PFKP: variants seen among roughly 807,000 people sequenced by gnomAD.
The protein encoded by PFKP is phosphofructokinase, platelet.
In PFKP, 101 loss-of-function variants were observed where a neutral mutation model predicts 94.3. The observed-to-expected ratio is 1.07, with a 90% confidence interval of 0.91 to 1.26. PFKP has a LOEUF of 1.26. Ranked by LOEUF, PFKP falls within the 50% of genes most tolerant of loss-of-function variation. The pLI, the probability that PFKP is intolerant of heterozygous loss-of-function variation, is 0.00. For missense variants in PFKP, 1,145 were observed against 1,103.3 expected, an observed-to-expected ratio of 1.04 and a Z score of -0.53; for synonymous variants, 573 against 432.6, an observed-to-expected ratio of 1.32 and a Z score of -4.03.
At chr10:3,110,930 GTT>G (rs574263604) in intron 10 of PFKP, among the ~76,000 whole-genome samples, 2 of 151,994 alleles carry the variant, frequency 1.3e-5, no homozygotes, top group Non-Finnish European at 2.9e-5. Flanking sequence ...GTGTGTGCAT[GTT>G]TTTGTGAGGT....
chr10:3,114,944 G>C (rs1489423005), intron 13 of PFKP, among the ~76,000 whole-genome samples: 1 of 152,214 alleles, frequency 6.6e-6, no homozygotes, highest in African/African-American at 2.4e-5. Flanking sequence ...CTCCCAGCCG[G>C]GGCTTTGCAG....
chr10:3,088,249 G>C (rs1394583705), intron 2 of PFKP, among the ~76,000 whole-genome samples: 1 of 148,138 alleles, frequency 6.8e-6, no homozygotes, highest in Non-Finnish European at 1.5e-5. Context: ...TGTGGTGTTT[G>C]GTTTTTTGTC....
intron 16 of PFKP, among the ~76,000 whole-genome samples, chr10:3,127,337 C>CA (rs1483923668): frequency 6.6e-6 from 1 of 152,264 alleles, no homozygotes; most frequent in African/African-American, 2.4e-5. Context: ...GACCAGAACT[C>CA]AGACACGCCT....
At chr10:3,135,683 C>G in intron 20 of PFKP, 53 bp from the exon 21 acceptor site, 1 of 1,090,660 alleles carries the variant, frequency 9.2e-7, no homozygotes, top group Non-Finnish European at 1.4e-6. Context: ...TTCTGCTCCC[C>G]CACCTGCCCA....
chr10:3,108,080 A>AT, intron 8 of PFKP: 1 of 1,138,198 alleles, frequency 8.8e-7, no homozygotes, highest in South Asian at 1.3e-5. Flanking sequence ...GCCAATATTT[A>AT]TAAGTGGTCA....
chr10:3,128,368 C>A (rs1360961839), intron 16 of PFKP, among the ~76,000 whole-genome samples: 1 of 152,202 alleles, frequency 6.6e-6, no homozygotes, highest in Non-Finnish European at 1.5e-5. Flanking sequence ...ACAGAGGGAA[C>A]TTTGTGGTCC....
Position 3,113,396 on chromosome 10 carries a change from A to G in PFKP, c.1249A>G (p.Asn417Asp), listed in dbSNP as rs1836456440. The G allele has an allele frequency of 6.3e-7, 1 of 1,595,630 alleles. No homozygotes were observed. The highest frequency in any genetic ancestry group is 8.6e-7 in the Non-Finnish European group (1 of 1,168,474). Residue 417 changes from asparagine (N) to aspartate (D), a missense_variant, in exon 13 of 22, where the codon AAC (asparagine) becomes GAC (aspartate). Transcript: ENST00000381125. Reference sequence around the variant, plus strand: ...GACCAATTGCAACGTAGCTGTCATCAACGTGGGGGCACCCGCGGCTGGGAT... The same window carrying G: ...GACCAATTGCAACGTAGCTGTCATCGACGTGGGGGCACCCGCGGCTGGGAT... ...PKTNCNVAVI[N>D]VGAPAAGMNA...
At chr10:3,097,712 AAC>A (rs1834602592) in intron 2 of PFKP, among the ~76,000 whole-genome samples, 2 of 152,206 alleles carry the variant, frequency 1.3e-5, no homozygotes, top group Middle Eastern at 6.8e-3. Flanking sequence ...CTAAATTATA[AAC>A]ACACATGTGG....
intron 1 of PFKP, among the ~76,000 whole-genome samples, chr10:3,067,963 G>A (rs1345461296): frequency 6.6e-6 from 1 of 152,182 alleles, no homozygotes; most frequent in Non-Finnish European, 1.5e-5. Flanking sequence ...CGGGGTCCTT[G>A]CCCGGTGGGG....
intron 5 of PFKP, 85 bp from the exon 6 acceptor site, chr10:3,105,030 G>C: frequency 2.3e-6 from 3 of 1,289,420 alleles, no homozygotes; most frequent in Non-Finnish European, 3.4e-6. Flanking sequence ...TCTGCTTTCT[G>C]AGCTGTTTCC....
intron 13 of PFKP, among the ~76,000 whole-genome samples, chr10:3,115,281 C>T (rs935097825): frequency 1.3e-5 from 2 of 150,636 alleles, no homozygotes; most frequent in Non-Finnish European, 3.0e-5. Flanking sequence ...GTGTGTCCCA[C>T]GGCGGAGGAC....
intron 2 of PFKP, among the ~76,000 whole-genome samples, chr10:3,098,701 C>T (rs980435148): frequency 6.5e-5 from 9 of 137,490 alleles, no homozygotes; most frequent in Non-Finnish European, 1.4e-4. Context: ...GGTAATTGTC[C>T]TTGGGCTTCT....
chr10:3,081,955 G>A (rs1194466503), intron 1 of PFKP, among the ~76,000 whole-genome samples: 1 of 87,762 alleles, frequency 1.1e-5, no homozygotes, highest in Non-Finnish European at 2.2e-5. Flanking sequence ...TGCATGACTT[G>A]TTTTCTGTTG....
At chr10:3,129,230 T>G (rs1286103280) in intron 16 of PFKP, 1 of 152,260 alleles carries the variant, frequency 6.6e-6, no homozygotes. Flanking sequence ...CCGATGCCTG[T>G]GCATCTGGAA....
chr10:3,105,339 CCCTCGTGGGAAGG>C lies in PFKP; in HGVS notation c.666-53_666-41del. ...GTCGCTGAGCGGGGTGCCTGGGCTG[CCCTCGTGGGAAGG>C]ATCCTTCTGGGGTGTTGATGCTGTT... On this transcript the variant is annotated intron_variant, in intron 6 of 21. Coordinates refer to ENST00000381125, the MANE Select transcript of PFKP (RefSeq NM_002627.5). 2.7e-6 allele frequency: 4 copies of C among 1,483,260 alleles called. No individual in the cohort carries two copies. The South Asian group carries it at 4.5e-5, about 17-fold the overall frequency. The allele number at this position is 1,483,260 out of a possible 1,614,324, so 91.9% of individuals were successfully genotyped here. A position where few individuals can be genotyped will look rare whatever the true frequency, so the allele number is the denominator to read the frequency against.
chr10:3,130,128 C>T, intron 17 of PFKP, 145 bp downstream of exon 17: 2 of 724,036 alleles, frequency 2.8e-6, no homozygotes, highest in East Asian at 3.0e-5. Flanking sequence ...ATACACTTCG[C>T]ATCGCCCAGG....
rs565511412 is a variant in PFKP, at chr10:3,099,035, A to G, written c.187-240A>G. Among the ~76,000 whole-genome samples, 3 of 152,252 alleles carry G rather than the reference A, an allele frequency of 2.0e-5. No individual in the cohort carries two copies. In the East Asian group the frequency reaches 5.8e-4, roughly 29 times the overall value. The stretch of plus-strand genomic sequence containing the variant: ...CGCTGGGCCATAGGAGAATGGCTTG[A>G]TTCCTCATTGCACTGTGAGGCTGAG... On this transcript the variant is annotated intron_variant, in intron 2 of 21. Transcript: ENST00000381125.
At position 3,105,118 on chromosome 10, in the gene PFKP, C is replaced by T; in HGVS notation, c.624C>T (p.His208=). ...VDAIMTTAQS[H]QRTFVLEVMG... is the part of the protein sequence containing the mutation. Reference sequence around the variant, plus strand: ...GCTCCCTCTGTTTCTCTTCCAGCCACCAGAGGACCTTCGTTCTGGAGGTGA... The same window carrying T: ...GCTCCCTCTGTTTCTCTTCCAGCCATCAGAGGACCTTCGTTCTGGAGGTGA... Residue 208 remains histidine, a synonymous_variant, in exon 6 of 22, where the codon CAC becomes CAT. Coordinates refer to ENST00000381125, the MANE Select transcript of PFKP (RefSeq NM_002627.5). The T allele has an allele frequency of 6.2e-7, 1 of 1,613,828 alleles. No homozygotes were observed. The highest frequency in any genetic ancestry group is 1.1e-5 in the South Asian group (1 of 91,054).
intron 14 of PFKP, among the ~76,000 whole-genome samples, chr10:3,118,433 A>G (rs1412039313): frequency 6.6e-6 from 1 of 152,100 alleles, no homozygotes; most frequent in Admixed American, 6.6e-5. Flanking sequence ...ACGCCACTAC[A>G]CTCCAGCCTG....
Sources: gnomAD v4.1 joint callset for allele counts (sites outside exome capture counted in the v4.1 genomes callset) on GRCh38, gnomAD v4.1.1 for gene constraint, MANE v1.5 for transcripts, NCBI Gene and HGNC (gene_info 2026-07-23, HGNC 2026-07-21) for gene names.